The following CDK17 variants were observed in gnomAD, a reference collection of about 807,000 sequenced individuals.
CDK17 encodes cyclin-dependent kinase 17.
CDK17 carries 24 observed loss-of-function variants against 77.6 expected under a neutral mutation model. That is an observed-to-expected ratio of 0.31 (90% confidence interval 0.22 to 0.44). CDK17 has a LOEUF of 0.44. Ranked by LOEUF, CDK17 falls within the 20% of genes least tolerant of loss-of-function variation. CDK17 has a pLI of 1.00. For synonymous variants in CDK17, 203 were observed against 210.4 expected, an observed-to-expected ratio of 0.96 and a Z score of 0.30; for missense variants, 429 against 622.5, an observed-to-expected ratio of 0.69 and a Z score of 3.31.
At chr12:96,334,393 A>G (rs12829539) in intron 2 of CDK17, among the ~76,000 whole-genome samples, 7,834 of 152,294 alleles carry the variant, frequency 0.051, 261 homozygotes, top group Non-Finnish European at 0.064. Flanking sequence ...GGTTATAAGA[A>G]TAAAAAAAAT....
At chr12:96,330,125 T>G (rs1223003284) in intron 2 of CDK17, among the ~76,000 whole-genome samples, 7 of 152,208 alleles carry the variant, frequency 4.6e-5, no homozygotes, top group African/African-American at 1.7e-4. Context: ...TCCTCACATT[T>G]AAATTGTCAC....
chr12:96,306,699 T>C (rs1297183863), intron 5 of CDK17, among the ~76,000 whole-genome samples: 1 of 152,074 alleles, frequency 6.6e-6, no homozygotes, highest in East Asian at 1.9e-4. Flanking sequence ...TTTTACTTTT[T>C]AGGTATATAA....
intron 10 of CDK17, among the ~76,000 whole-genome samples, chr12:96,291,633 T>G (rs1439272593): frequency 6.9e-6 from 1 of 145,684 alleles, no homozygotes; most frequent in Non-Finnish European, 1.5e-5. Context: ...TTTTGCTTTT[T>G]TTTTTTTTTT....
intron 6 of CDK17, 131 bp from the exon 7 acceptor site, chr12:96,299,114 C>G (rs552173829): frequency 2.3e-5 from 13 of 554,304 alleles, no homozygotes; most frequent in African/African-American, 1.7e-4. Context: ...CAAAGAAAAA[C>G]ACACAATGAT....
At chr12:96,327,368 A>C (rs1952904454) in intron 2 of CDK17, among the ~76,000 whole-genome samples, 1 of 152,080 alleles carries the variant, frequency 6.6e-6, no homozygotes, top group Admixed American at 6.6e-5. Flanking sequence ...CTAAGTAACA[A>C]ATGTTGGTGG....
chr12:96,368,819 G>C lies in CDK17; in HGVS notation c.-30+31167C>G, dbSNP rs889916178. Among the ~76,000 whole-genome samples the C allele has an allele frequency of 7.9e-5, 7 of 88,808 alleles. 1 individual carries two copies. Among genetic ancestry groups the C allele is most frequent in the African/African-American group, 2.1e-4 (5 of 24,110 alleles). The allele number at this position is 88,808 out of a possible 152,430, so 58.3% of individuals were successfully genotyped here. ...GCTACTCTAAGACGGGGGGGGGGGG[G>C]GGGGGCACAATGAATAAGGCTGGAA... On this transcript the variant is annotated intron_variant, in intron 1 of 16. Coordinates refer to ENST00000261211, the MANE Select transcript of CDK17 (RefSeq NM_002595.5).
chr12:96,298,083 G>GATC (rs1184038658), intron 7 of CDK17, among the ~76,000 whole-genome samples: 1 of 152,040 alleles, frequency 6.6e-6, no homozygotes, highest in East Asian at 1.9e-4. Flanking sequence ...GAGGTCAGGA[G>GATC]ATCGCCTGGC....
intron 1 of CDK17, among the ~76,000 whole-genome samples, chr12:96,336,843 A>G (rs1953046957): frequency 6.6e-6 from 1 of 152,150 alleles, no homozygotes; most frequent in African/African-American, 2.4e-5. Context: ...TCTCCACCTC[A>G]GCATCTATTT....
intron 15 of CDK17, 70 bp downstream of exon 15, chr12:96,282,439 C>T: frequency 1.0e-6 from 1 of 958,382 alleles, no homozygotes; most frequent in Non-Finnish European, 1.7e-6. Context: ...GCCATCTCCC[C>T]AATCACCCCA....
chr12:96,361,411 T>G, intron 1 of CDK17, among the ~76,000 whole-genome samples: 1 of 152,178 alleles, frequency 6.6e-6, no homozygotes, highest in East Asian at 1.9e-4. Flanking sequence ...AACAGGAAAC[T>G]AGTTACAAAA....
intron 1 of CDK17, among the ~76,000 whole-genome samples, chr12:96,394,623 T>C (rs975141319): frequency 2.0e-5 from 3 of 152,016 alleles, no homozygotes; most frequent in Non-Finnish European, 4.4e-5. Flanking sequence ...GAGACCAGCC[T>C]GGCCAACATG....
chr12:96,348,951 C>T (rs557852876), intron 1 of CDK17, among the ~76,000 whole-genome samples: 4 of 152,252 alleles, frequency 2.6e-5, no homozygotes, highest in African/African-American at 4.8e-5. Flanking sequence ...TTCTATAAGG[C>T]CAACATTACC....
intron 12 of CDK17, 144 bp from the exon 13 acceptor site, chr12:96,286,292 A>G (rs994368104): frequency 7.3e-6 from 2 of 275,018 alleles, no homozygotes; most frequent in Non-Finnish European, 1.3e-5. Context: ...TGCAATTGAA[A>G]TGACAGAAAT....
rs1952479774 is a variant in CDK17 at position 96,300,288 on chromosome 12, T to C, written c.600+16A>G. Reference sequence around the variant, plus strand: ...AAGAAAAAAATGTGTCTTACATTTTTGAGATATTTACTTACCTCTCCAAGC... The same window carrying C: ...AAGAAAAAAATGTGTCTTACATTTTCGAGATATTTACTTACCTCTCCAAGC... On this transcript the variant is annotated intron_variant, in intron 6 of 16. Transcript: ENST00000261211. 6.5e-7 allele frequency: 1 copy of C among 1,539,604 alleles called. No homozygotes were observed. Among genetic ancestry groups the C allele is most frequent in the African/African-American group, 1.4e-5 (1 of 72,372 alleles).
At chr12:96,354,564 T>C (rs999500254) in intron 1 of CDK17, among the ~76,000 whole-genome samples, 1 of 152,092 alleles carries the variant, frequency 6.6e-6, no homozygotes, top group Non-Finnish European at 1.5e-5. Context: ...AGCCTCATCA[T>C]CTCTTTGCTT....
intron 13 of CDK17, among the ~76,000 whole-genome samples, chr12:96,283,898 A>C (rs1263052608): frequency 1.3e-5 from 2 of 152,226 alleles, no homozygotes; most frequent in Non-Finnish European, 2.9e-5. Flanking sequence ...AAGAATTTTA[A>C]AAATCACCAT....
At chr12:96,312,435 G>A (rs1053688215) in intron 4 of CDK17, among the ~76,000 whole-genome samples, 1 of 152,030 alleles carries the variant, frequency 6.6e-6, no homozygotes, top group Admixed American at 6.5e-5. Flanking sequence ...CATCTATAAG[G>A]TGAAGAAAAA....
At chr12:96,385,513 A>C (rs1953958341) in intron 1 of CDK17, among the ~76,000 whole-genome samples, 1 of 152,208 alleles carries the variant, frequency 6.6e-6, no homozygotes, top group African/African-American at 2.4e-5. Flanking sequence ...TCAAAAATAA[A>C]AGTTGAAATT....
chr12:96,283,153 AG>A (rs780774905), intron 14 of CDK17, among the ~76,000 whole-genome samples: 14 of 152,222 alleles, frequency 9.2e-5, no homozygotes, highest in Non-Finnish European at 1.8e-4. Flanking sequence ...AGACTTGGAA[AG>A]AAACCTTGTA....
Sources: gnomAD v4.1 joint callset for allele counts (sites outside exome capture counted in the v4.1 genomes callset) on GRCh38, gnomAD v4.1.1 for gene constraint, MANE v1.5 for transcripts, NCBI Gene and HGNC (gene_info 2026-07-23, HGNC 2026-07-21) for gene names.